CCDC25: variants seen among roughly 807,000 people sequenced by gnomAD.
CCDC25 encodes coiled-coil domain containing 25.
A neutral mutation model predicts 35.3 loss-of-function variants in CCDC25; 16 were observed. That is an observed-to-expected ratio of 0.45 (90% CI 0.31 to 0.69). CCDC25 has a LOEUF of 0.69. Among genes scored for constraint, CCDC25 ranks in the 30% least tolerant of loss-of-function variants. The pLI, the probability that CCDC25 is intolerant of heterozygous loss-of-function variation, is 0.06. For synonymous variants in CCDC25, 79 were observed against 80.3 expected (o/e 0.98, Z 0.09); for missense variants, 179 against 250.7 (o/e 0.71, Z 1.93).
chr8:27,745,867 A>G (rs763116856), intron 7 of CCDC25, among the ~76,000 whole-genome samples: 1 of 152,252 alleles, frequency 6.6e-6, no homozygotes, highest in African/African-American at 2.4e-5. Flanking sequence ...GGAGATTATT[A>G]AAAAATACAA....
intron 1 of CCDC25, among the ~76,000 whole-genome samples, chr8:27,769,959 T>A (rs894657132): frequency 3.3e-5 from 5 of 152,156 alleles, no homozygotes; most frequent in Admixed American, 3.3e-4. Context: ...CTGGCCAATA[T>A]GGTGAAACCC....
At chr8:27,736,324 C>T (rs1010101351) in intron 8 of CCDC25, 79 bp from the exon 9 acceptor site, 33 of 1,168,232 alleles carry the variant, frequency 2.8e-5, no homozygotes, top group Non-Finnish European at 2.8e-5. Flanking sequence ...TCTTAATTAG[C>T]GAGCTGCCTT....
chr8:27,736,250 A>C lies in CCDC25; in HGVS notation c.598-5T>G. On this transcript the variant is annotated splice_region_variant and splice_polypyrimidine_tract_variant and intron_variant, in intron 8 of 8. Transcript: ENST00000356537. ...TTCATCTGAATCATTGCCATCCTGTAGGAAACACAAAAATGAGAACATAAA... is the reference window on the plus strand; with the variant it reads ...TTCATCTGAATCATTGCCATCCTGTCGGAAACACAAAAATGAGAACATAAA... The C allele has an allele frequency of 1.9e-6, 3 of 1,600,732 alleles. No homozygotes were observed. Among genetic ancestry groups the C allele is most frequent in the Non-Finnish European group, 2.6e-6 (3 of 1,173,442 alleles).
At chr8:27,745,863 T>G (rs1452414627) in intron 7 of CCDC25, among the ~76,000 whole-genome samples, 2 of 152,246 alleles carry the variant, frequency 1.3e-5, no homozygotes, top group Non-Finnish European at 2.9e-5. Context: ...CCATGGAGAT[T>G]ATTAAAAAAT....
At chr8:27,738,890 C>T (rs1803344775) in intron 8 of CCDC25, among the ~76,000 whole-genome samples, 1 of 152,106 alleles carries the variant, frequency 6.6e-6, no homozygotes, top group Non-Finnish European at 1.5e-5. Flanking sequence ...AAACACATCT[C>T]ATCTTTTCAT....
chr8:27,736,051 CA>C lies in CCDC25; in HGVS notation c.*164del. On this transcript the variant is annotated 3_prime_UTR_variant, in exon 9 of 9. Transcript: ENST00000356537. ...TACATATCTGATCCTTTTCTGTCAG[CA>C]AAAAAGGTACAATTTTTTTAAAACT... The C allele has an allele frequency of 3.3e-6, 2 of 614,848 alleles. No individual in the cohort carries two copies. Among genetic ancestry groups the C allele is most frequent in the Non-Finnish European group, 5.6e-6 (2 of 359,502 alleles). 38.1% of individuals were successfully genotyped at this position (614,848 alleles called of 1,614,324 possible). A position where few individuals can be genotyped will look rare whatever the true frequency, so the allele number is the denominator to read the frequency against.
At chr8:27,749,981 T>C (rs1803738563) in intron 5 of CCDC25, among the ~76,000 whole-genome samples, 1 of 152,204 alleles carries the variant, frequency 6.6e-6, no homozygotes, top group Admixed American at 6.5e-5. Flanking sequence ...CTTGCAACTT[T>C]TCTGTATACC....
chr8:27,770,496 G>C (rs572484445), intron 1 of CCDC25, among the ~76,000 whole-genome samples: 1 of 152,172 alleles, frequency 6.6e-6, no homozygotes, highest in African/African-American at 2.4e-5. Context: ...CCAGCACTTT[G>C]GGAGGCTGAG....
chr8:27,755,277 A>C (rs1433138496), intron 4 of CCDC25, among the ~76,000 whole-genome samples: 2 of 152,212 alleles, frequency 1.3e-5, no homozygotes, highest in Admixed American at 6.5e-5. Context: ...AAAGAACAAA[A>C]GGATGGGAGC....
At chr8:27,740,048 T>C (rs532186264) in intron 8 of CCDC25, among the ~76,000 whole-genome samples, 1 of 152,212 alleles carries the variant, frequency 6.6e-6, no homozygotes, top group Non-Finnish European at 1.5e-5. Context: ...TCACATAAGA[T>C]CTTAGGGTAA....
chr8:27,770,687 C>T (rs188377053), intron 1 of CCDC25, among the ~76,000 whole-genome samples: 2 of 149,668 alleles, frequency 1.3e-5, no homozygotes, highest in Non-Finnish European at 3.0e-5. Flanking sequence ...TGCAGTGAGC[C>T]GAGATCGTGC....
chr8:27,755,500 A>T (rs1803970147), intron 4 of CCDC25, among the ~76,000 whole-genome samples: 1 of 152,084 alleles, frequency 6.6e-6, no homozygotes. Flanking sequence ...GTATATAGAC[A>T]CTCCCCTCTC....
At chr8:27,740,976 C>A (rs566629407) in intron 7 of CCDC25, among the ~76,000 whole-genome samples, 1 of 152,130 alleles carries the variant, frequency 6.6e-6, no homozygotes, top group Admixed American at 6.5e-5. Flanking sequence ...CCAAGCCAAT[C>A]AAGTGGGCAG....
At chr8:27,769,344 G>T (rs1804508506) in intron 1 of CCDC25, among the ~76,000 whole-genome samples, 1 of 152,138 alleles carries the variant, frequency 6.6e-6, no homozygotes, top group African/African-American at 2.4e-5. Context: ...GAAGCATTTT[G>T]CTCTATTAAG....
At chr8:27,765,053 A>G (rs1191896646) in intron 2 of CCDC25, 151 bp downstream of exon 2, 7 of 630,552 alleles carry the variant, frequency 1.1e-5, no homozygotes, top group Non-Finnish European at 1.6e-5. Context: ...CTGTCTCCCT[A>G]TGTGAGCTTG....
intron 5 of CCDC25, among the ~76,000 whole-genome samples, chr8:27,749,243 A>G (rs1310061175): frequency 6.6e-6 from 1 of 151,866 alleles, no homozygotes; most frequent in African/African-American, 2.4e-5. Flanking sequence ...CTCCTCCACC[A>G]CTCATACCCT....
chr8:27,770,455 A>G (rs1187316979), intron 1 of CCDC25, among the ~76,000 whole-genome samples: 1 of 151,838 alleles, frequency 6.6e-6, no homozygotes, highest in Admixed American at 6.6e-5. Context: ...TCTCACCTTT[A>G]GACCGGGCGC....
At chr8:27,772,384 G>A (rs1439722983) in intron 1 of CCDC25, 129 bp downstream of exon 1, 10 of 867,012 alleles carry the variant, frequency 1.2e-5, no homozygotes, top group African/African-American at 6.7e-5. Flanking sequence ...GGGACCGAGA[G>A]GCCGCGGGAA....
At chr8:27,765,345 C>A (rs1804365625) in intron 1 of CCDC25, 94 bp from the exon 2 acceptor site, 2 of 1,045,036 alleles carry the variant, frequency 1.9e-6, no homozygotes, top group Non-Finnish European at 2.6e-6. Context: ...AGACTAGGGG[C>A]TGGCAAACCA....
Sources: gnomAD v4.1 joint callset for allele counts (sites outside exome capture counted in the v4.1 genomes callset) on GRCh38, gnomAD v4.1.1 for gene constraint, MANE v1.5 for transcripts, NCBI Gene and HGNC (gene_info 2026-07-23, HGNC 2026-07-21) for gene names.